Variants in GNS observed in about 807,000 individuals in gnomAD.
GNS encodes the protein N-acetylglucosamine-6-sulfatase.
A neutral mutation model predicts 69.7 loss-of-function variants in GNS; 40 were observed. The observed-to-expected ratio is 0.57, with a 90% CI of 0.45 to 0.75. GNS has a LOEUF of 0.75. GNS is among the 30% of genes least tolerant of loss of function. GNS has a pLI of 0.00. For missense variants in GNS, 565 were observed against 685.5 expected, an observed-to-expected ratio of 0.82 and a Z score of 1.96; for synonymous variants, 243 against 251.6, an observed-to-expected ratio of 0.97 and a Z score of 0.32.
In GNS at chr12:64,729,142, C is replaced by A. The variant is rs1017771349; in HGVS notation, c.1099-85G>T. The A allele has an allele frequency of 5.2e-6, 4 of 772,768 alleles. No individual in the cohort carries two copies. The African/African-American group carries it at 6.9e-5, about 13-fold the overall frequency. 47.9% of individuals were successfully genotyped at this position (772,768 alleles called of 1,614,324 possible). A position where few individuals can be genotyped will look rare whatever the true frequency, so the allele number is the denominator to read the frequency against. ...TATACTAAAGTTCTCTTCCCCCCAC[C>A]CCGCCCATGAGACAACAGCACTATT... On this transcript the variant is annotated intron_variant, in intron 9 of 13. Transcript: ENST00000258145.
rs1018732493 is a variant in GNS, at chr12:64,715,715, A to C, written c.*1026T>G. ...AAAATTTTCCACCTTAAAACAAATG[A>C]AGAGAATGACAGAAAAATGCAGATA... On this transcript the variant is annotated 3_prime_UTR_variant, in exon 14 of 14. Coordinates refer to ENST00000258145, the MANE Select transcript of GNS (RefSeq NM_002076.4). 3 of 153,804 alleles carry C rather than the reference A, an allele frequency of 2.0e-5. No homozygotes were observed. In the East Asian group the frequency reaches 5.8e-4, roughly 30 times the overall value. 9.5% of individuals were successfully genotyped at this position (153,804 alleles called of 1,614,324 possible).
At chr12:64,730,563 C>CTG (rs1249828022) in intron 9 of GNS, among the ~76,000 whole-genome samples, 1 of 151,896 alleles carries the variant, frequency 6.6e-6, no homozygotes, top group African/African-American at 2.4e-5. Flanking sequence ...AACTCTGCAG[C>CTG]TGTCAGGTAT....
rs555539244 is a variant in GNS, at chr12:64,738,612, A to C, written c.994+769T>G. On this transcript the variant is annotated intron_variant, in intron 8 of 13. Coordinates refer to ENST00000258145, the MANE Select transcript of GNS (RefSeq NM_002076.4). ...CAGATTACCTGAGGTCAGGAGTTCA[A>C]GACCAGTCTGGCCAACATGGCAAAA... 3.3e-4 allele frequency among the ~76,000 whole-genome samples: 51 copies of C among 152,248 alleles called. 1 individual carries two copies. The South Asian group carries it at 1.0e-2, about 30-fold the overall frequency.
intron 8 of GNS, among the ~76,000 whole-genome samples, chr12:64,738,747 A>G (rs946862496): frequency 3.3e-5 from 5 of 152,074 alleles, no homozygotes; most frequent in African/African-American, 9.7e-5. Flanking sequence ...TGGGAGGCAG[A>G]GATTGCTGTG....
At chr12:64,748,706 C>G (rs1565627381) in intron 2 of GNS, among the ~76,000 whole-genome samples, 1 of 152,112 alleles carries the variant, frequency 6.6e-6, no homozygotes, top group Non-Finnish European at 1.5e-5. Context: ...CCATTAGCTA[C>G]TGTCAGCAAC....
intron 9 of GNS, 88 bp from the exon 10 acceptor site, chr12:64,729,145 G>C: frequency 1.3e-6 from 1 of 759,874 alleles, no homozygotes; most frequent in Non-Finnish European, 2.4e-6. Context: ...CCCCCACCCC[G>C]CCCATGAGAC....
intron 11 of GNS, 144 bp downstream of exon 11, chr12:64,722,862 C>A: frequency 1.5e-6 from 1 of 669,796 alleles, no homozygotes; most frequent in South Asian, 1.6e-5. Context: ...CTGGATTTAC[C>A]TTTGTCCATC....
chr12:64,719,514 A>G (rs896348340), intron 13 of GNS, among the ~76,000 whole-genome samples: 8 of 152,170 alleles, frequency 5.3e-5, no homozygotes, highest in African/African-American at 1.9e-4. Context: ...TTATACCTCC[A>G]TATCGTGCAA....
chr12:64,748,300 A>C (rs1869959854), intron 2 of GNS, among the ~76,000 whole-genome samples: 1 of 151,866 alleles, frequency 6.6e-6, no homozygotes, highest in African/African-American at 2.4e-5. Flanking sequence ...CTCCTGGCGC[A>C]AGTGATCCTC....
intron 9 of GNS, among the ~76,000 whole-genome samples, chr12:64,736,506 C>A (rs932291954): frequency 2.0e-5 from 3 of 152,190 alleles, no homozygotes; most frequent in African/African-American, 7.2e-5. Flanking sequence ...AGGGGATTCA[C>A]ACACAGAAAA....
intron 7 of GNS, among the ~76,000 whole-genome samples, 167 bp from the exon 8 acceptor site, chr12:64,739,666 C>T (rs999671144): frequency 2.0e-5 from 3 of 152,012 alleles, no homozygotes; most frequent in Middle Eastern, 3.4e-3. Context: ...AAACACTCTC[C>T]CCCAAAACTC....
rs139394351 is a variant in GNS at position 64,758,309 on chromosome 12, C to CTTTTT, written c.192+771_192+775dup. ...CCTACCAGATTAGTTCACTTCAGGC[C>CTTTTT]TTTTTTTTTTTTTTTTTTTTTTTTT... On this transcript the variant is annotated intron_variant, in intron 1 of 13. Transcript: ENST00000258145. 2.0e-3 allele frequency among the ~76,000 whole-genome samples: 133 copies of CTTTTT among 67,414 alleles called. 12 individuals are homozygous for CTTTTT. Among genetic ancestry groups the CTTTTT allele is most frequent in the South Asian group, 3.5e-3 (4 of 1,158 alleles). 44.2% of individuals were successfully genotyped at this position (67,414 alleles called of 152,430 possible).
chr12:64,745,124 T>C (rs1330333516), intron 4 of GNS, among the ~76,000 whole-genome samples: 2 of 148,872 alleles, frequency 1.3e-5, no homozygotes, highest in Non-Finnish European at 3.0e-5. Flanking sequence ...GTAGATCAGG[T>C]AGAAAAGCAA....
chr12:64,734,422 C>G (rs929780950), intron 9 of GNS, among the ~76,000 whole-genome samples: 2 of 152,134 alleles, frequency 1.3e-5, no homozygotes, highest in Non-Finnish European at 1.5e-5. Flanking sequence ...CATGTGGGAG[C>G]AGGATTATGA....
chr12:64,723,252 C>T lies in GNS; in HGVS notation c.1201-139G>A, dbSNP rs538397485. ...CAGTAACTAAAGGGAATGACTAAAACAGGTACATATGAAAGCTACTGAGCA... is the reference window on the plus strand; with the variant it reads ...CAGTAACTAAAGGGAATGACTAAAATAGGTACATATGAAAGCTACTGAGCA... On this transcript the variant is annotated intron_variant, in intron 10 of 13. Transcript: ENST00000258145. 1.9e-5 allele frequency: 13 copies of T among 684,962 alleles called. No homozygotes were observed. In the African/African-American group the frequency reaches 2.1e-4, roughly 11 times the overall value. The allele number at this position is 684,962 out of a possible 1,614,324, so 42.4% of individuals were successfully genotyped here.
At chr12:64,748,581 T>C (rs1592506988) in intron 2 of GNS, among the ~76,000 whole-genome samples, 1 of 152,268 alleles carries the variant, frequency 6.6e-6, no homozygotes, top group South Asian at 2.1e-4. Flanking sequence ...AGAATACTAC[T>C]TGGATCTAAT....
rs1868847663 is a variant in GNS, at chr12:64,716,013, G to A, written c.*728C>T. 1 of 153,472 alleles carries A rather than the reference G, an allele frequency of 6.5e-6. No individual in the cohort carries two copies. The highest frequency in any genetic ancestry group is 2.4e-5 in the African/African-American group (1 of 41,442). The allele number at this position is 153,472 out of a possible 1,614,324, so 9.5% of individuals were successfully genotyped here. On this transcript the variant is annotated 3_prime_UTR_variant, in exon 14 of 14. Coordinates refer to ENST00000258145, the MANE Select transcript of GNS (RefSeq NM_002076.4). ...TAACTGGCACTCCCTGTGGTTGGCAGCCACTGGAAAGTAGATGGCTATCAC... is the reference window on the plus strand; with the variant it reads ...TAACTGGCACTCCCTGTGGTTGGCAACCACTGGAAAGTAGATGGCTATCAC...
intron 1 of GNS, chr12:64,756,816 C>A: frequency 1.1e-6 from 1 of 921,874 alleles, no homozygotes; most frequent in Non-Finnish European, 1.7e-6. Flanking sequence ...GACTTATGCC[C>A]TCCACTCAAT....
chr12:64,747,779 G>C lies in GNS; in HGVS notation c.392C>G (p.Thr131Ser). 6.2e-7 allele frequency: 1 copy of C among 1,612,876 alleles called. No homozygotes were observed. Among genetic ancestry groups the C allele is most frequent in the African/African-American group, 1.3e-5 (1 of 75,032 alleles). The part of the protein sequence containing the change: ...KSWQKIQEPN[T>S]FPAILRSMCG... Reference sequence around the variant, plus strand: ...CATTGATCTGAGAATTGCTGGGAAAGTATTTGGTTCTTGGATCTTCTGCCA... The same window carrying C: ...CATTGATCTGAGAATTGCTGGGAAACTATTTGGTTCTTGGATCTTCTGCCA... The change falls in exon 3 of 14, where the codon ACT becomes AGT. Residue 131 changes from threonine (T) to serine (S), a missense_variant. By Grantham distance (58) the Thr-to-Ser change is moderately conservative (BLOSUM62 1). Transcript: ENST00000258145.
Sources: gnomAD v4.1 joint callset for allele counts (sites outside exome capture counted in the v4.1 genomes callset) on GRCh38, gnomAD v4.1.1 for gene constraint, MANE v1.5 for transcripts, NCBI Gene and HGNC (gene_info 2026-07-23, HGNC 2026-07-21) for gene names.